The following PRKCZ variants were observed in gnomAD, a reference collection of about 807,000 sequenced individuals.
The protein encoded by PRKCZ is protein kinase C zeta, also known as protein kinase C zeta type.
PRKCZ carries 33 observed loss-of-function variants against 79.5 expected under a neutral mutation model. That is an observed-to-expected ratio of 0.41 (90% confidence interval 0.31 to 0.55). The LOEUF is 0.55. PRKCZ is among the 20% of genes least tolerant of loss of function. The pLI, the probability that PRKCZ is intolerant of heterozygous loss-of-function variation, is 0.19. For synonymous variants in PRKCZ, 342 were observed against 320.9 expected, an observed-to-expected ratio of 1.07 and a Z score of -0.70; for missense variants, 578 against 813.5, an observed-to-expected ratio of 0.71 and a Z score of 3.52.
In PRKCZ at chr1:2,178,182, A is replaced by G. The variant is rs181608785; in HGVS notation, c.1575+2869A>G. 1.5e-4 allele frequency among the ~76,000 whole-genome samples: 23 copies of G among 152,290 alleles called. 1 individual carries two copies. The East Asian group carries it at 2.3e-3, about 15-fold the overall frequency. On this transcript the variant is annotated intron_variant, in intron 16 of 17. Coordinates refer to ENST00000378567, the MANE Select transcript of PRKCZ (RefSeq NM_002744.6). This position sits in a 1 kb window ranked among gnomAD's most constrained non-coding sequence, Gnocchi z 4.3. ...ATCACTTTCATCACCCTGTACCCAG[A>G]GAAGACCCGAACCCACTCCAGCCTC... is the stretch of plus-strand genomic sequence containing the variant.
At chr1:2,053,236 G>A (rs577120737) in intron 1 of PRKCZ, among the ~76,000 whole-genome samples, 2 of 152,176 alleles carry the variant, frequency 1.3e-5, no homozygotes, top group South Asian at 4.2e-4. Context: ...TAGTATCTAG[G>A]ACTACAGACG....
At chr1:2,068,934 C>T (rs532388588) in intron 4 of PRKCZ, among the ~76,000 whole-genome samples, 9 of 152,282 alleles carry the variant, frequency 5.9e-5, no homozygotes, top group East Asian at 5.8e-4. Flanking sequence ...ACGCCCCTTT[C>T]GGACCCCTCT....
rs921256128 is a variant in PRKCZ at position 2,169,806 on chromosome 1, C to T, written c.1061+202C>T. 1.1e-3 allele frequency among the ~76,000 whole-genome samples: 7 copies of T among 6,402 alleles called. No individual in the cohort carries two copies. In the East Asian group the frequency reaches 0.017, roughly 16 times the overall value. The allele number at this position is 6,402 out of a possible 152,430, so 4.2% of individuals were successfully genotyped here. On this transcript the variant is annotated intron_variant, in intron 11 of 17. Coordinates refer to ENST00000378567, the MANE Select transcript of PRKCZ (RefSeq NM_002744.6). ...GGGGGTATGACGGGGGCGGGGGGGGCGGGGTGCACGTGGAGGGGGCCGGGG... is the reference window on the plus strand; with the variant it reads ...GGGGGTATGACGGGGGCGGGGGGGGTGGGGTGCACGTGGAGGGGGCCGGGG...
rs963703844 is a variant in PRKCZ at position 2,094,893 on chromosome 1, T to C, written c.334+35302T>C. ...CTTAGAGCCTGGTTTTGGCCCTCTCTCTCCTGCCTATAAAAAGCCCTGCCC... is the reference window on the plus strand; with the variant it reads ...CTTAGAGCCTGGTTTTGGCCCTCTCCCTCCTGCCTATAAAAAGCCCTGCCC... On this transcript the variant is annotated intron_variant, in intron 4 of 17. Transcript: ENST00000378567. The surrounding 1 kb of genome is among the most constrained non-coding windows in gnomAD (Gnocchi z 7.3). 2.0e-5 allele frequency among the ~76,000 whole-genome samples: 3 copies of C among 152,174 alleles called. No individual in the cohort carries two copies. Among genetic ancestry groups the C allele is most frequent in the Non-Finnish European group, 4.4e-5 (3 of 68,030 alleles).
Position 2,050,618 on chromosome 1 carries a change from G to T in PRKCZ, c.-13G>T, listed in dbSNP as rs544403633. On this transcript the variant is annotated 5_prime_UTR_variant, in exon 1 of 18. Transcript: ENST00000378567. ...CCGGGGCGCAGCGCTGACGGCGGCG[G>T]GGGGAGCGCGCCATGCCCAGCAGGA... 1.3e-5 allele frequency: 16 copies of T among 1,222,372 alleles called. No homozygotes were observed. Among genetic ancestry groups the T allele is most frequent in the Non-Finnish European group, 1.5e-5 (15 of 981,426 alleles). 75.7% of individuals were successfully genotyped at this position (1,222,372 alleles called of 1,614,324 possible).
chr1:2,050,546 G>GAAT lies in PRKCZ; in HGVS notation c.-85_-84insAAT. 2 of 885,624 alleles carry GAAT rather than the reference G, an allele frequency of 2.3e-6. No homozygotes were observed. Among genetic ancestry groups the GAAT allele is most frequent in the African/African-American group, 3.5e-5 (2 of 57,088 alleles). The allele number at this position is 885,624 out of a possible 1,614,324, so 54.9% of individuals were successfully genotyped here. A position where few individuals can be genotyped will look rare whatever the true frequency, so the allele number is the denominator to read the frequency against. ...TCCTGAGCGCTGCCTTCCGCGTTCC[G>GAAT]CCGCGGCCCCACCTGGAGCCCCCGC... On this transcript the variant is annotated 5_prime_UTR_variant, in exon 1 of 18. Coordinates refer to ENST00000378567, the MANE Select transcript of PRKCZ (RefSeq NM_002744.6).
chr1:2,072,068 G>A (rs1270303333), intron 4 of PRKCZ, among the ~76,000 whole-genome samples: 1 of 152,270 alleles, frequency 6.6e-6, no homozygotes, highest in East Asian at 1.9e-4. Context: ...TAGGTTGCCA[G>A]CCCTCGTTCC....
chr1:2,116,587 G>T lies in PRKCZ; in HGVS notation c.335-18675G>T, dbSNP rs2102776821. ...AGTAAAAGCTTACTTTATAATTAGG[G>T]CTTTTGCGTCCTGGCTGTGTGTGGG... is the stretch of plus-strand genomic sequence containing the variant. On this transcript the variant is annotated intron_variant, in intron 4 of 17. Coordinates refer to ENST00000378567, the MANE Select transcript of PRKCZ (RefSeq NM_002744.6). Among the ~76,000 whole-genome samples, 3 of 152,256 alleles carry T rather than the reference G, an allele frequency of 2.0e-5. No homozygotes were observed. The South Asian group carries it at 6.2e-4, about 32-fold the overall frequency.
At chr1:2,140,051 C>T (rs1315747831) in intron 5 of PRKCZ, among the ~76,000 whole-genome samples, 2 of 152,144 alleles carry the variant, frequency 1.3e-5, no homozygotes, top group Non-Finnish European at 1.5e-5. Context: ...GGAGAAGAGG[C>T]TATAGAGAGT....
At chr1:2,050,901 C>A in intron 1 of PRKCZ, 200 bp downstream of exon 1, 1 of 387,124 alleles carries the variant, frequency 2.6e-6, no homozygotes, top group Non-Finnish European at 4.5e-6. Flanking sequence ...GGGCTCCTTC[C>A]CCGGGACCGG....
At chr1:2,184,889 C>G (rs1440157623) in intron 17 of PRKCZ, 33 bp from the exon 18 acceptor site, 1 of 1,578,050 alleles carries the variant, frequency 6.3e-7, no homozygotes, top group Admixed American at 1.7e-5. Flanking sequence ...AACACACGGT[C>G]ACCCCCCTCC....
intron 5 of PRKCZ, among the ~76,000 whole-genome samples, chr1:2,139,662 A>G (rs1676922156): frequency 6.6e-6 from 1 of 152,188 alleles, no homozygotes; most frequent in South Asian, 2.1e-4. Flanking sequence ...GGGTCTGCCA[A>G]CCCTGGGGAT....
At chr1:2,103,121 G>C (rs560464443) in intron 4 of PRKCZ, among the ~76,000 whole-genome samples, 7 of 152,150 alleles carry the variant, frequency 4.6e-5, no homozygotes, top group African/African-American at 1.7e-4. Flanking sequence ...CACTTCGCCC[G>C]CCCAAAGTAC....
At chr1:2,070,830 G>A (rs527599067) in intron 4 of PRKCZ, among the ~76,000 whole-genome samples, 40 of 152,198 alleles carry the variant, frequency 2.6e-4, no homozygotes, top group South Asian at 6.2e-4. Flanking sequence ...GGCCAGGAAG[G>A]GGAAGGGGCT....
upstream of PRKCZ, chr1:2,050,134 CGCCGCTCCGTCCCAGAGGCCGGG>C (rs1332115957): frequency 6.6e-6 from 1 of 152,098 alleles, no homozygotes; most frequent in Non-Finnish European, 1.5e-5. Context: ...TTCCCGGGGG[CGCCGCTCCGTCCCAGAGGCCGGG>C]GCCCCTCCGG....
Position 2,174,735 on chromosome 1 carries a change from C to T in PRKCZ, c.1406-19C>T. The T allele has an allele frequency of 5.6e-6, 9 of 1,611,998 alleles. No homozygotes were observed. Among genetic ancestry groups the T allele is most frequent in the Non-Finnish European group, 7.6e-6 (9 of 1,178,124 alleles). ...GGCACACAACACAGGCAAGTCCTCA[C>T]CAGGCTCCGCCCTTGCAGTGATCCT... On this transcript the variant is annotated intron_variant, in intron 14 of 17. Transcript: ENST00000378567. The surrounding 1 kb of genome is among the most constrained non-coding windows in gnomAD (Gnocchi z 6.2).
In PRKCZ at chr1:2,111,176, T is replaced by C. The variant is rs199850224; in HGVS notation, c.335-24086T>C. Among the ~76,000 whole-genome samples the C allele has an allele frequency of 2.0e-4, 30 of 151,944 alleles. No homozygotes were observed. The East Asian group carries it at 5.8e-3, about 29-fold the overall frequency. ...GGAGCTGTGGGGCTGGCTGTGCGTG[T>C]TGGGCCTAACTCGGGCTGAGCTGAG... On this transcript the variant is annotated intron_variant, in intron 4 of 17. Coordinates refer to ENST00000378567, the MANE Select transcript of PRKCZ (RefSeq NM_002744.6).
chr1:2,156,247 C>T (rs373893321), intron 10 of PRKCZ, 155 bp downstream of exon 10: 31 of 635,744 alleles, frequency 4.9e-5, no homozygotes, highest in African/African-American at 4.4e-4. Context: ...TGTTGTTCTC[C>T]TTGGTTGGTG....
At chr1:2,050,975 G>C (rs1659585704) in intron 1 of PRKCZ, 4 of 348,078 alleles carry the variant, frequency 1.1e-5, no homozygotes, top group Non-Finnish European at 5.2e-6. Context: ...AGACGTTTTC[G>C]CTGGAAAGTT....
Sources: gnomAD v4.1 joint callset for allele counts (sites outside exome capture counted in the v4.1 genomes callset) on GRCh38, gnomAD v4.1.1 for gene constraint, Gnocchi (gnomAD v3.1) non-coding constraint, MANE v1.5 for transcripts, NCBI Gene and HGNC (gene_info 2026-07-23, HGNC 2026-07-21) for gene names.